The following FBLN1 variants were observed in gnomAD, a reference collection of about 807,000 sequenced individuals.
The protein encoded by FBLN1 is fibulin-1.
In FBLN1, 34 loss-of-function variants were observed where a neutral mutation model predicts 89.7. The ratio of observed to expected loss-of-function variants is 0.38; its 90% confidence interval spans 0.29 to 0.50. The LOEUF is 0.50. Ranked by LOEUF, FBLN1 falls within the 20% of genes least tolerant of loss-of-function variation. FBLN1 has a pLI of 0.92. For synonymous variants in FBLN1, 393 were observed against 391.3 expected (o/e 1.00, Z -0.05); for missense variants, 777 against 988.1 (o/e 0.79, Z 2.86).
At chr22:45,524,271 C>T (rs2088290494) in intron 2 of FBLN1, among the ~76,000 whole-genome samples, 1 of 152,216 alleles carries the variant, frequency 6.6e-6, no homozygotes, top group East Asian at 1.9e-4. Flanking sequence ...TTGGGTGGCT[C>T]TTCCTGCCCT....
intron 1 of FBLN1, among the ~76,000 whole-genome samples, chr22:45,513,644 C>A (rs1192547336): frequency 6.6e-6 from 1 of 152,166 alleles, no homozygotes; most frequent in Admixed American, 6.5e-5. Context: ...CCCGTCCTCT[C>A]CCCCGAAGCC....
rs930310003 is a variant in FBLN1 at position 45,590,419 on chromosome 22, G to A, written c.1973-9888G>A. On this transcript the variant is annotated intron_variant, in intron 16 of 16. Coordinates refer to ENST00000327858, the MANE Select transcript of FBLN1 (RefSeq NM_006486.3). The surrounding 1 kb of genome is among the most constrained non-coding windows in gnomAD (Gnocchi z 4.1). ...ATTGCAAGGGGTTCAGTGTGGCTGGGGCAGTGTGCTGAGAGCTGGGCTGGA... is the reference window on the plus strand; with the variant it reads ...ATTGCAAGGGGTTCAGTGTGGCTGGAGCAGTGTGCTGAGAGCTGGGCTGGA... Among the ~76,000 whole-genome samples, 7 of 152,188 alleles carry A rather than the reference G, an allele frequency of 4.6e-5. No homozygotes were observed. Among genetic ancestry groups the A allele is most frequent in the Non-Finnish European group, 7.3e-5 (5 of 68,040 alleles).
chr22:45,540,979 G>A (rs571269888), intron 8 of FBLN1, among the ~76,000 whole-genome samples: 12 of 152,238 alleles, frequency 7.9e-5, no homozygotes, highest in Non-Finnish European at 1.5e-4. Flanking sequence ...TTGGCGCAGC[G>A]AACGATGGAG....
intron 9 of FBLN1, 48 bp downstream of exon 9, chr22:45,541,420 C>T: frequency 6.2e-7 from 1 of 1,611,018 alleles, no homozygotes; most frequent in African/African-American, 1.3e-5. Context: ...TGTCTGCTTC[C>T]AGCATGCACC....
chr22:45,565,003 G>T, intron 14 of FBLN1: 1 of 1,613,528 alleles, frequency 6.2e-7, no homozygotes, highest in East Asian at 2.2e-5. Flanking sequence ...TGAGGAAGAT[G>T]GACCTGGACA....
intron 4 of FBLN1, 105 bp downstream of exon 4, chr22:45,528,114 GT>G: frequency 1.6e-6 from 2 of 1,261,216 alleles, no homozygotes; most frequent in South Asian, 2.5e-5. Flanking sequence ...CTTGGCTCAT[GT>G]GATCGTGGGG....
chr22:45,569,394 A>G (rs1419179286), intron 14 of FBLN1, among the ~76,000 whole-genome samples: 1 of 152,152 alleles, frequency 6.6e-6, no homozygotes, highest in Admixed American at 6.5e-5. Flanking sequence ...TAATCCCAGC[A>G]CTTTGGGAGG....
At chr22:45,511,228 C>T (rs1602160072) in intron 1 of FBLN1, among the ~76,000 whole-genome samples, 1 of 151,306 alleles carries the variant, frequency 6.6e-6, no homozygotes, top group Non-Finnish European at 1.5e-5. Context: ...GATCTCAGCT[C>T]ACTGCAACCT....
chr22:45,549,994 G>A lies in FBLN1; in HGVS notation c.1574-498G>A, dbSNP rs986742715. ...CTCCTAAGAGGTTGAGTCACACCTA[G>A]GGTAAGGGTGCTGAGCCTCGGGAGC... is the stretch of plus-strand genomic sequence containing the variant. On this transcript the variant is annotated intron_variant, in intron 13 of 16. Transcript: ENST00000327858. The surrounding 1 kb of genome is among the most constrained non-coding windows in gnomAD (Gnocchi z 5.7). Among the ~76,000 whole-genome samples, 1 of 152,204 alleles carries A rather than the reference G, an allele frequency of 6.6e-6. No homozygotes were observed. Among genetic ancestry groups the A allele is most frequent in the African/African-American group, 2.4e-5 (1 of 41,446 alleles).
At chr22:45,595,980 C>T (rs2089181841) in intron 16 of FBLN1, among the ~76,000 whole-genome samples, 1 of 152,162 alleles carries the variant, frequency 6.6e-6, no homozygotes. Flanking sequence ...AGTGATTCTC[C>T]TGCCTCAGCC....
rs879213611 is a variant in FBLN1, at chr22:45,600,832, C to CT, written c.*401dup. 18,370 of 252,056 alleles carry CT rather than the reference C, an allele frequency of 0.073. 27 individuals carry two copies. The highest frequency in any genetic ancestry group is 0.12 in the South Asian group (2,783 of 23,550). The allele number at this position is 252,056 out of a possible 1,614,324, so 15.6% of individuals were successfully genotyped here. ...TTGTATGAAATTTGACATTTTGGCA[C>CT]TTTTTTTTTTTTTTTGGCCAATCAG... On this transcript the variant is annotated 3_prime_UTR_variant, in exon 17 of 17. Coordinates refer to ENST00000327858, the MANE Select transcript of FBLN1 (RefSeq NM_006486.3).
At chr22:45,559,926 A>T (rs1038716307) in intron 14 of FBLN1, among the ~76,000 whole-genome samples, 1 of 152,216 alleles carries the variant, frequency 6.6e-6, no homozygotes, top group African/African-American at 2.4e-5. Flanking sequence ...CTGGGTCTGT[A>T]AACTGGTTCA....
Position 45,572,048 on chromosome 22 carries a change from G to C in FBLN1, c.1698-2463G>C, listed in dbSNP as rs1386877968. Among the ~76,000 whole-genome samples, 1 of 152,102 alleles carries C rather than the reference G, an allele frequency of 6.6e-6. No homozygotes were observed. ...GGAGGCTGAGGCAGGAGAATCACTTGAACCCGGGAGGTGGAGGTTGCAGTG... is the reference window on the plus strand; with the variant it reads ...GGAGGCTGAGGCAGGAGAATCACTTCAACCCGGGAGGTGGAGGTTGCAGTG... On this transcript the variant is annotated intron_variant, in intron 14 of 16. Transcript: ENST00000327858. This position sits in a 1 kb window ranked among gnomAD's most constrained non-coding sequence, Gnocchi z 5.8.
rs1424206066 is a variant in FBLN1, at chr22:45,530,107, C to G, written c.485-1158C>G. On this transcript the variant is annotated intron_variant, in intron 4 of 16. Transcript: ENST00000327858. This position sits in a 1 kb window ranked among gnomAD's most constrained non-coding sequence, Gnocchi z 5.4. The stretch of plus-strand genomic sequence containing the variant: ...GTTCTTAGTTTTTCAAGTCCAGGGC[C>G]CCATGGATGCCACTGAGATGATTTC... Among the ~76,000 whole-genome samples, 1 of 152,092 alleles carries G rather than the reference C, an allele frequency of 6.6e-6. No homozygotes were observed. The highest frequency in any genetic ancestry group is 1.5e-5 in the Non-Finnish European group (1 of 68,016).
rs2088973882 is a variant in FBLN1, at chr22:45,574,119, T to C, written c.1698-392T>C. 6.6e-6 allele frequency among the ~76,000 whole-genome samples: 1 copy of C among 152,192 alleles called. No individual in the cohort carries two copies. The highest frequency in any genetic ancestry group is 1.5e-5 in the Non-Finnish European group (1 of 68,034). On this transcript the variant is annotated intron_variant, in intron 14 of 16. Transcript: ENST00000327858. The surrounding 1 kb of genome is among the most constrained non-coding windows in gnomAD (Gnocchi z 4.1). ...GGCTCTGAGAAGGCGGGACCATGTG[T>C]CCCTTGTTCACTTTGCTGTCCCTAG...
chr22:45,523,723 A>G (rs2088282592), intron 2 of FBLN1, among the ~76,000 whole-genome samples: 1 of 152,094 alleles, frequency 6.6e-6, no homozygotes, highest in Non-Finnish European at 1.5e-5. Context: ...ACAAAACAAA[A>G]CAAAAAACAA....
chr22:45,551,836 C>G (rs2088706096), intron 14 of FBLN1, among the ~76,000 whole-genome samples: 1 of 152,228 alleles, frequency 6.6e-6, no homozygotes, highest in African/African-American at 2.4e-5. Flanking sequence ...CTCTCCCCAG[C>G]CTTTGTCAGC....
chr22:45,521,312 C>T (rs2088247339), intron 2 of FBLN1, among the ~76,000 whole-genome samples: 1 of 152,142 alleles, frequency 6.6e-6, no homozygotes, highest in Non-Finnish European at 1.5e-5. Context: ...TGACAGTGTC[C>T]CTGAAACACG....
chr22:45,589,835 C>T (rs529861788), intron 16 of FBLN1, among the ~76,000 whole-genome samples: 37 of 150,068 alleles, frequency 2.5e-4, no homozygotes, highest in Middle Eastern at 3.5e-3. Context: ...GCACCCTCCC[C>T]GCAGAGCACC....
Sources: allele counts gnomAD v4.1 joint callset (sites outside exome capture counted in the v4.1 genomes callset), GRCh38; gene constraint gnomAD v4.1.1; non-coding constraint Gnocchi (gnomAD v3.1); transcripts MANE v1.5; gene names NCBI Gene and HGNC (gene_info 2026-07-23, HGNC 2026-07-21).